The following ZNF789 variants were observed in gnomAD, a reference collection of about 807,000 sequenced individuals.
ZNF789 encodes the protein zinc finger protein 789.
Under a neutral mutation model 15.6 loss-of-function variants are expected in ZNF789, and 11 were observed. That is an observed-to-expected ratio of 0.70 (90% CI 0.44 to 1.16). The LOEUF (loss-of-function observed/expected upper bound fraction) is 1.16, where lower values mean the gene tolerates loss of function less well. Among genes scored for constraint, ZNF789 ranks in the 50% most tolerant of loss-of-function variants. The pLI is 0.00. For missense variants in ZNF789, 461 were observed against 512.6 expected (o/e 0.90, Z 0.97); for synonymous variants, 159 against 176.0 (o/e 0.90, Z 0.76).
Position 99,487,265 on chromosome 7 carries a change from G to A in ZNF789, c.1055G>A (p.Arg352Lys). The A allele has an allele frequency of 6.2e-7, 1 of 1,614,204 alleles. No individual in the cohort carries two copies. The highest frequency in any genetic ancestry group is 8.5e-7 in the Non-Finnish European group (1 of 1,180,038). The change falls in exon 5 of 5, where the codon AGG becomes AAG. Residue 352 changes from arginine (R) to lysine (K), a missense_variant. Transcript: ENST00000331410. ...KCSECGQSFG[R>K]NVDLIQHQRI... ...AGTGAATGTGGACAGTCCTTTGGTA[G>A]GAATGTGGATCTCATTCAGCATCAA...
intron 2 of ZNF789, chr7:99,478,320 G>C: frequency 7.8e-7 from 1 of 1,289,768 alleles, no homozygotes. Context: ...GGACATGGCA[G>C]CGCAGCTCTG....
In ZNF789 at chr7:99,473,898, G is replaced by A. The variant is rs192679025; in HGVS notation, c.-55+842G>A. 2.4e-4 allele frequency among the ~76,000 whole-genome samples: 37 copies of A among 152,270 alleles called. 1 individual carries two copies. Among genetic ancestry groups the A allele is most frequent in the Non-Finnish European group, 5.1e-4 (35 of 68,030 alleles). On this transcript the variant is annotated intron_variant, in intron 1 of 4. Coordinates refer to ENST00000331410, the MANE Select transcript of ZNF789 (RefSeq NM_213603.3). ...CCTCCCAAAGTGCTGGGATTTACAG[G>A]TGTGAGCCACCACGCCCGGCCTGTT... is the stretch of plus-strand genomic sequence containing the variant.
chr7:99,482,110 C>A (rs1799665393), intron 3 of ZNF789: 1 of 779,656 alleles, frequency 1.3e-6, no homozygotes, highest in African/African-American at 1.7e-5. Context: ...ACACCTTAGA[C>A]ATGTAGCTTC....
chr7:99,476,613 T>C, intron 2 of ZNF789, 133 bp downstream of exon 2: 1 of 1,027,388 alleles, frequency 9.7e-7, no homozygotes, highest in Non-Finnish European at 1.3e-6. Context: ...GCTTAGCCTC[T>C]GGAGTCACAT....
chr7:99,485,504 T>C (rs1230310959), intron 4 of ZNF789: 2 of 483,250 alleles, frequency 4.1e-6, no homozygotes, highest in Admixed American at 7.3e-5. Flanking sequence ...ACTTTGTCCA[T>C]TTTTAAGCAG....
At chr7:99,476,898 T>C (rs139193682) in intron 2 of ZNF789, among the ~76,000 whole-genome samples, 120 of 152,340 alleles carry the variant, frequency 7.9e-4, no homozygotes, top group African/African-American at 2.8e-3. Flanking sequence ...AACTCTTACC[T>C]GTAGGAGATT....
chr7:99,480,642 C>T (rs1799573842), intron 3 of ZNF789: 1 of 152,194 alleles, frequency 6.6e-6, no homozygotes, highest in Non-Finnish European at 1.5e-5. Flanking sequence ...TTCTTATGCT[C>T]TTGAAAGTCT....
At chr7:99,484,959 C>G (rs1297549741) in intron 4 of ZNF789, among the ~76,000 whole-genome samples, 1 of 152,096 alleles carries the variant, frequency 6.6e-6, no homozygotes, top group Non-Finnish European at 1.5e-5. Flanking sequence ...GAGGTGGACA[C>G]TGGGGTTTGA....
Position 99,484,056 on chromosome 7 carries a change from A to G in ZNF789, c.178A>G (p.Ile60Val). 6.2e-7 allele frequency: 1 copy of G among 1,614,108 alleles called. No individual in the cohort carries two copies. The highest frequency in any genetic ancestry group is 1.1e-5 in the South Asian group (1 of 91,068). Residue 60 changes from isoleucine to valine, a missense_variant, in exon 4 of 5, where the codon ATC (isoleucine) becomes GTC (valine). Physicochemically the swap from Ile to Val is conservative, Grantham distance 29. Coordinates refer to ENST00000331410, the MANE Select transcript of ZNF789 (RefSeq NM_213603.3). The stretch of plus-strand genomic sequence containing the variant: ...ATTTCAGTTTCCCAAACCTGAGATG[A>G]TCTGTCAGCTGGAGAACTGGGACGA... ...LGFQFPKPEM[I>V]CQLENWDEQW...
intron 4 of ZNF789, among the ~76,000 whole-genome samples, chr7:99,484,501 TCCC>T (rs2151069489): frequency 6.6e-6 from 1 of 152,234 alleles, no homozygotes; most frequent in Non-Finnish European, 1.5e-5. Context: ...GTGCCTGTAA[TCCC>T]AGCTACCTGG....
intron 3 of ZNF789, 51 bp from the exon 4 acceptor site, chr7:99,483,979 T>C: frequency 6.8e-7 from 1 of 1,480,346 alleles, no homozygotes; most frequent in Non-Finnish European, 9.4e-7. Flanking sequence ...CCCCGGGCCA[T>C]GTCTCTGTAA....
chr7:99,479,640 C>T, intron 2 of ZNF789, 21 bp from the exon 3 acceptor site: 1 of 1,575,054 alleles, frequency 6.3e-7, no homozygotes, highest in Non-Finnish European at 8.6e-7. Flanking sequence ...TTGCAGTTAC[C>T]TTTATCAGCT....
Position 99,486,536 on chromosome 7 carries a change from T to C in ZNF789, c.326T>C (p.Leu109Ser). 1.2e-6 allele frequency: 2 copies of C among 1,614,084 alleles called. No individual in the cohort carries two copies. Among genetic ancestry groups the C allele is most frequent in the Non-Finnish European group, 1.7e-6 (2 of 1,180,006 alleles). Reference protein sequence around the residue: ...LTPKQKFSEDLESYKISVVMQ... With the variant: ...LTPKQKFSEDSESYKISVVMQ... ...CCAAAACAGAAATTTTCTGAAGATT[T>C]AGAGTCATATAAGATATCAGTGGTA... is the stretch of plus-strand genomic sequence containing the variant. The change falls in exon 5 of 5, where the codon TTA (leucine) becomes TCA (serine). Residue 109 changes from leucine to serine, a missense_variant. Transcript: ENST00000331410.
Position 99,486,930 on chromosome 7 carries a change from G to A in ZNF789, c.720G>A (p.Gln240=). 6.2e-7 allele frequency: 1 copy of A among 1,614,154 alleles called. No homozygotes were observed. Among genetic ancestry groups the A allele is most frequent in the Non-Finnish European group, 8.5e-7 (1 of 1,180,030 alleles). Residue 240 remains glutamine, a synonymous_variant, in exon 5 of 5, where the codon CAG becomes CAA. Coordinates refer to ENST00000331410, the MANE Select transcript of ZNF789 (RefSeq NM_213603.3). ...AGGTCTGTGGGCAAGCCTTCAGACA[G>A]CGGTCAGCTCTTACGGTCCATAAAC... ...ECKVCGQAFR[Q]RSALTVHKQC...
chr7:99,487,062 T>G lies in ZNF789; in HGVS notation c.852T>G (p.Pro284=). 6.2e-7 allele frequency: 1 copy of G among 1,614,080 alleles called. No homozygotes were observed. The highest frequency in any genetic ancestry group is 8.5e-7 in the Non-Finnish European group (1 of 1,180,030). ...EHKRIHTKEK[P]YKCSKCEKTF... ...AGAGGATTCACACCAAAGAAAAACC[T>G]TATAAATGTAGCAAATGTGAAAAAA... Residue 284 remains proline (P), a synonymous_variant, in exon 5 of 5, where the codon CCT becomes CCG. Coordinates refer to ENST00000331410, the MANE Select transcript of ZNF789 (RefSeq NM_213603.3).
chr7:99,477,785 TAAAAATACAAAAATTAG>T lies in ZNF789; in HGVS notation c.24+1306_24+1322del, dbSNP rs369685575. ...ACATATAGTGAAACTCCATCTCTACTAAAAATACAAAAATTAGCTGGGTATAGTGGCGCATGCCTATA... is the reference window on the plus strand; with the variant it reads ...ACATATAGTGAAACTCCATCTCTACTCTGGGTATAGTGGCGCATGCCTATA... On this transcript the variant is annotated intron_variant, in intron 2 of 4. Transcript: ENST00000331410. Among the ~76,000 whole-genome samples the T allele has an allele frequency of 5.3e-3, 814 of 152,260 alleles. 5 individuals are homozygous for T. Among genetic ancestry groups the T allele is most frequent in the African/African-American group, 0.018 (743 of 41,562 alleles).
At chr7:99,478,747 C>T (rs1198372626) in intron 2 of ZNF789, 1 of 218,050 alleles carries the variant, frequency 4.6e-6, no homozygotes, top group Non-Finnish European at 9.7e-6. Flanking sequence ...TCCACTGTTG[C>T]CCACTCTGGA....
chr7:99,474,033 T>TTTTAA (rs1281782689), intron 1 of ZNF789, among the ~76,000 whole-genome samples: 11 of 152,222 alleles, frequency 7.2e-5, no homozygotes, highest in Admixed American at 2.0e-4. Context: ...AATCAATGTA[T>TTTTAA]TTTAAATGCC....
At position 99,479,936 on chromosome 7, in the gene ZNF789, C is replaced by CA. The variant is rs1029283520; in HGVS notation, c.151+150dup. 5 of 1,078,654 alleles carry CA rather than the reference C, an allele frequency of 4.6e-6. No individual in the cohort carries two copies. The Admixed American group carries it at 1.6e-4, about 34-fold the overall frequency. 66.8% of individuals were successfully genotyped at this position (1,078,654 alleles called of 1,614,324 possible). On this transcript the variant is annotated intron_variant, in intron 3 of 4. Transcript: ENST00000331410. ...CGTGTGGCTACAAGCCCTGACCAGA[C>CA]ATCACCACAGTGAAACCTGACTTCA...
Sources: allele counts gnomAD v4.1 joint callset (sites outside exome capture counted in the v4.1 genomes callset), GRCh38; gene constraint gnomAD v4.1.1; transcripts MANE v1.5; gene names NCBI Gene and HGNC (gene_info 2026-07-23, HGNC 2026-07-21).